The following CSMD1 variants were observed in gnomAD, a reference collection of about 807,000 sequenced individuals.
CSMD1 encodes CUB and Sushi multiple domains 1.
Under a neutral mutation model 417.5 loss-of-function variants are expected in CSMD1, and 213 were observed. The observed-to-expected ratio is 0.51, with a 90% CI of 0.46 to 0.57. The LOEUF (loss-of-function observed/expected upper bound fraction) is 0.57, where lower values mean the gene tolerates loss of function less well. Ranked by LOEUF, CSMD1 falls within the 20% of genes least tolerant of loss-of-function variation. CSMD1 has a pLI of 0.00. For missense variants in CSMD1, 6,923 were observed against 4,529.7 expected, an observed-to-expected ratio of 1.53 and a Z score of -15.17; for synonymous variants, 2,862 against 1,736.8, an observed-to-expected ratio of 1.65 and a Z score of -16.11.
At chr8:4,851,716 G>A (rs1157652409) in intron 1 of CSMD1, among the ~76,000 whole-genome samples, 1 of 152,110 alleles carries the variant, frequency 6.6e-6, no homozygotes, top group African/African-American at 2.4e-5. Context: ...TCACCCATAT[G>A]ACTAACAAGA....
At chr8:4,046,414 T>C (rs1298165666) in intron 3 of CSMD1, among the ~76,000 whole-genome samples, 7 of 152,216 alleles carry the variant, frequency 4.6e-5, no homozygotes, top group Non-Finnish European at 1.0e-4. Flanking sequence ...TTCATATTCA[T>C]TCAAACCTAA....
chr8:4,549,896 CAA>C (rs777040766), intron 2 of CSMD1, among the ~76,000 whole-genome samples: 49 of 88,632 alleles, frequency 5.5e-4, no homozygotes, highest in South Asian at 2.8e-3. Context: ...GACTTTGTCT[CAA>C]AAAAAAAAAA....
At chr8:2,996,233 A>C (rs1228339593) in intron 54 of CSMD1, among the ~76,000 whole-genome samples, 1 of 152,202 alleles carries the variant, frequency 6.6e-6, no homozygotes, top group African/African-American at 2.4e-5. Flanking sequence ...AACATACTGA[A>C]CATATGACAT....
At chr8:4,890,753 T>A (rs555246416) in intron 1 of CSMD1, among the ~76,000 whole-genome samples, 1 of 152,240 alleles carries the variant, frequency 6.6e-6, no homozygotes, top group African/African-American at 2.4e-5. Context: ...CAATTGAAAG[T>A]CATGGAAGAA....
intron 5 of CSMD1, among the ~76,000 whole-genome samples, chr8:3,948,361 A>G (rs971928734): frequency 9.2e-5 from 14 of 152,174 alleles, no homozygotes; most frequent in Non-Finnish European, 2.1e-4. Context: ...AAATGACTGA[A>G]GAGCACTTTG....
chr8:3,050,740 CT>C (rs1585229512), intron 50 of CSMD1, among the ~76,000 whole-genome samples: 1 of 152,166 alleles, frequency 6.6e-6, no homozygotes, highest in East Asian at 1.9e-4. Flanking sequence ...AAAATAAAAG[CT>C]TTTGGGAAGA....
intron 38 of CSMD1, among the ~76,000 whole-genome samples, chr8:3,160,254 C>G (rs1363206884): frequency 6.6e-6 from 1 of 152,220 alleles, no homozygotes; most frequent in African/African-American, 2.4e-5. Context: ...TCCCAGGTAA[C>G]TGGGACTAAA....
chr8:2,940,637 G>C (rs964317063), intron 69 of CSMD1, among the ~76,000 whole-genome samples: 2 of 152,164 alleles, frequency 1.3e-5, no homozygotes, highest in African/African-American at 4.8e-5. Context: ...GTGTATGTTG[G>C]ATATAGCCCC....
intron 2 of CSMD1, among the ~76,000 whole-genome samples, chr8:4,544,163 T>C (rs566746827): frequency 8.2e-4 from 125 of 152,306 alleles, no homozygotes; most frequent in Middle Eastern, 3.4e-3. Flanking sequence ...ATCACACCTT[T>C]GATGTTGTAT....
chr8:4,295,407 A>G (rs1797620684), intron 3 of CSMD1, among the ~76,000 whole-genome samples: 1 of 144,500 alleles, frequency 6.9e-6, no homozygotes, highest in Non-Finnish European at 1.5e-5. Flanking sequence ...AGATTATATA[A>G]TCTTATTATA....
chr8:3,072,144 G>A (rs1813361367), intron 49 of CSMD1, among the ~76,000 whole-genome samples: 1 of 152,122 alleles, frequency 6.6e-6, no homozygotes. Flanking sequence ...CGAGTCTCAG[G>A]GCATCTGAGA....
chr8:4,444,696 G>T (rs573136376), intron 2 of CSMD1, among the ~76,000 whole-genome samples: 1 of 152,114 alleles, frequency 6.6e-6, no homozygotes, highest in Non-Finnish European at 1.5e-5. Flanking sequence ...AAAAAGCAGG[G>T]TCACTCTAAG....
At chr8:4,624,676 G>T (rs987048281) in intron 2 of CSMD1, among the ~76,000 whole-genome samples, 1 of 152,074 alleles carries the variant, frequency 6.6e-6, no homozygotes. Context: ...TGTTTACACG[G>T]GATATAATTC....
intron 2 of CSMD1, among the ~76,000 whole-genome samples, chr8:4,506,241 G>T (rs1346657844): frequency 6.6e-6 from 1 of 152,006 alleles, no homozygotes; most frequent in Non-Finnish European, 1.5e-5. Flanking sequence ...ACAGCTATTG[G>T]AGCACCTCAC....
intron 49 of CSMD1, among the ~76,000 whole-genome samples, chr8:3,078,494 G>A (rs542520506): frequency 2.0e-4 from 31 of 152,164 alleles, no homozygotes; most frequent in African/African-American, 5.6e-4. Flanking sequence ...TATTGACGGC[G>A]TTGGACTCTG....
At chr8:4,361,903 C>T (rs1298641990) in intron 3 of CSMD1, among the ~76,000 whole-genome samples, 1 of 151,934 alleles carries the variant, frequency 6.6e-6, no homozygotes. Context: ...TGCAGTGAGG[C>T]GAGTTCACTC....
intron 5 of CSMD1, among the ~76,000 whole-genome samples, chr8:3,963,526 T>C (rs894162327): frequency 1.3e-5 from 2 of 152,078 alleles, no homozygotes; most frequent in Non-Finnish European, 2.9e-5. Flanking sequence ...ATTCAGAAAA[T>C]TTTCTATTAT....
At chr8:4,128,364 G>T (rs1325675061) in intron 3 of CSMD1, among the ~76,000 whole-genome samples, 1 of 152,184 alleles carries the variant, frequency 6.6e-6, no homozygotes, top group African/African-American at 2.4e-5. Context: ...AAAAACTTAT[G>T]TGGATGGTAA....
chr8:3,786,715 G>C (rs1027822981), intron 5 of CSMD1, among the ~76,000 whole-genome samples: 1 of 152,174 alleles, frequency 6.6e-6, no homozygotes, highest in Non-Finnish European at 1.5e-5. Context: ...ACTGTCTAGA[G>C]GGTGGAAGCC....
Sources: allele counts gnomAD v4.1 joint callset (sites outside exome capture counted in the v4.1 genomes callset), GRCh38; gene constraint gnomAD v4.1.1; transcripts MANE v1.5; gene names NCBI Gene and HGNC (gene_info 2026-07-23, HGNC 2026-07-21).